RAC2: variants seen among roughly 807,000 people sequenced by gnomAD.
RAC2 encodes ras-related C3 botulinum toxin substrate 2.
A neutral mutation model predicts 24.0 loss-of-function variants in RAC2; 1 was observed. The ratio of observed to expected loss-of-function variants is 0.04; its 90% confidence interval spans 0.01 to 0.20. The LOEUF (loss-of-function observed/expected upper bound fraction) is 0.20. Among genes scored for constraint, RAC2 ranks in the 10% least tolerant of loss-of-function variants. RAC2 has a pLI of 1.00. For synonymous variants in RAC2, 114 were observed against 106.8 expected (o/e 1.07, Z -0.41); for missense variants, 130 against 259.1 (o/e 0.50, Z 3.42).
intron 1 of RAC2, 35 bp from the exon 2 acceptor site, chr22:37,241,693 TG>T: frequency 6.3e-7 from 1 of 1,585,838 alleles, no homozygotes; most frequent in East Asian, 2.2e-5. Context: ...GCGGCGGTCA[TG>T]GGCTCTGCCG....
Position 37,231,804 on chromosome 22 carries a change from G to T in RAC2, c.288+128C>A. The T allele has an allele frequency of 9.1e-7, 1 of 1,097,134 alleles. No homozygotes were observed. Among genetic ancestry groups the T allele is most frequent in the South Asian group, 1.4e-5 (1 of 73,726 alleles). 68.0% of individuals were successfully genotyped at this position (1,097,134 alleles called of 1,614,324 possible). On this transcript the variant is annotated intron_variant, in intron 4 of 6. Transcript: ENST00000249071. The surrounding 1 kb of genome is among the most constrained non-coding windows in gnomAD (Gnocchi z 5.5). ...TCAAGTCCCTCTGCCAGCCCTGGTT[G>T]GCACTGGGGACCCTCTCTGTATGCG...
chr22:37,226,883 A>AACCCCTTCCACGCCATAC lies in RAC2; in HGVS notation c.449-98_449-81dup. On this transcript the variant is annotated intron_variant, in intron 5 of 6. Transcript: ENST00000249071. The stretch of plus-strand genomic sequence containing the variant: ...GGCCAACATGTCTCCTATGCCATAC[A>AACCCCTTCCACGCCATAC]ACCCCTTCCACGCCATACACCCCTC... 6 of 1,546,070 alleles carry AACCCCTTCCACGCCATAC rather than the reference A, an allele frequency of 3.9e-6. No homozygotes were observed. In the South Asian group the frequency reaches 5.6e-5, roughly 14 times the overall value.
rs147886654 is a variant in RAC2 at position 37,226,840 on chromosome 22, G to GT, written c.449-38dup. 9.9e-3 allele frequency: 15,515 copies of GT among 1,572,568 alleles called. 1,580 individuals carry two copies. The African/African-American group carries it at 0.2, about 20-fold the overall frequency. On this transcript the variant is annotated intron_variant, in intron 5 of 6. Coordinates refer to ENST00000249071, the MANE Select transcript of RAC2 (RefSeq NM_002872.5). Reference sequence around the variant, plus strand: ...GATGGACAGGAGAGCCAAGGCCTAAGTGGCGGGGGGGGTTCTGGGCCAACA... The same window carrying GT: ...GATGGACAGGAGAGCCAAGGCCTAAGTTGGCGGGGGGGGTTCTGGGCCAACA...
intron 2 of RAC2, among the ~76,000 whole-genome samples, chr22:37,237,715 G>A (rs1053134682): frequency 3.3e-5 from 5 of 152,046 alleles, no homozygotes; most frequent in South Asian, 2.1e-4. Flanking sequence ...CTTCCTCCCC[G>A]GGGTCGGGGA....
At chr22:37,241,704 G>A (rs201965451) in intron 1 of RAC2, 46 bp from the exon 2 acceptor site, 316 of 1,542,444 alleles carry the variant, frequency 2.0e-4, no homozygotes, top group African/African-American at 1.8e-3. Context: ...GGGCTCTGCC[G>A]GAGACGTGGG....
intron 2 of RAC2, among the ~76,000 whole-genome samples, chr22:37,236,701 C>A (rs1255254584): frequency 6.6e-6 from 1 of 152,096 alleles, no homozygotes; most frequent in Non-Finnish European, 1.5e-5. Flanking sequence ...TGACCACCAC[C>A]GAAGCCCACC....
In RAC2 at chr22:37,226,711, G is replaced by A; in HGVS notation, c.541C>T (p.Pro181Ser). ...EAIRAVLCPQPTRQQKRACSL... is the reference protein window; with the variant it reads ...EAIRAVLCPQSTRQQKRACSL... ...CAGGCGCGCTTCTGCTGCCGCGTGGGCTGAGGGCACAGCACGGCCCGGATG... is the reference window on the plus strand; with the variant it reads ...CAGGCGCGCTTCTGCTGCCGCGTGGACTGAGGGCACAGCACGGCCCGGATG... The change falls in exon 6 of 7, where the codon CCC becomes TCC. Residue 181 changes from proline to serine, a missense_variant. Physicochemically the swap from Pro to Ser is moderately conservative, Grantham distance 74 (BLOSUM62 -1). Around this residue, in one of 2 missense-constraint regions of RAC2, gnomAD observed 119 missense variants for 192.1 expected, o/e 0.62. Coordinates refer to ENST00000249071, the MANE Select transcript of RAC2 (RefSeq NM_002872.5). 6.2e-7 allele frequency: 1 copy of A among 1,613,128 alleles called. No homozygotes were observed. Among genetic ancestry groups the A allele is most frequent in the Non-Finnish European group, 8.5e-7 (1 of 1,179,568 alleles).
At chr22:37,241,038 G>T in intron 2 of RAC2, 1 of 718,946 alleles carries the variant, frequency 1.4e-6, no homozygotes, top group South Asian at 1.5e-5. Flanking sequence ...ACCCCTGAGG[G>T]CTGGCCAGGG....
At chr22:37,232,123 T>C (rs1927085006) in intron 3 of RAC2, 129 bp from the exon 4 acceptor site, 2 of 941,174 alleles carry the variant, frequency 2.1e-6, no homozygotes, top group Non-Finnish European at 1.7e-6. Context: ...GGACTTAGGA[T>C]CTGGGCAGAG....
At chr22:37,233,558 C>T (rs1351781779) in intron 2 of RAC2, among the ~76,000 whole-genome samples, 1 of 152,262 alleles carries the variant, frequency 6.6e-6, no homozygotes, top group African/African-American at 2.4e-5. Context: ...GCTAGGATTA[C>T]AGGCGTGAGC....
At chr22:37,236,898 T>G (rs5995404) in intron 2 of RAC2, among the ~76,000 whole-genome samples, 62,508 of 151,898 alleles carry the variant, frequency 0.41, 13,278 homozygotes, top group African/African-American at 0.51. Context: ...TTTGCATTTA[T>G]AAAAGGTCCC....
chr22:37,240,963 GAA>G (rs1255062177), intron 2 of RAC2: 8 of 709,182 alleles, frequency 1.1e-5, no homozygotes, highest in Non-Finnish European at 1.8e-5. Flanking sequence ...GAGGTTGAGT[GAA>G]GGCCATCAGG....
chr22:37,241,449 C>G (rs1927388628), intron 2 of RAC2, 138 bp downstream of exon 2: 2 of 947,760 alleles, frequency 2.1e-6, no homozygotes, highest in African/African-American at 3.2e-5. Context: ...CTTGGCTGGA[C>G]TGTCAGGCAG....
At chr22:37,243,968 C>T in intron 1 of RAC2, 146 bp downstream of exon 1, 2 of 1,102,702 alleles carry the variant, frequency 1.8e-6, no homozygotes, top group South Asian at 1.3e-5. Context: ...TCCCTGTGGG[C>T]CCTCGGAGAA....
At chr22:37,236,768 C>A (rs568348731) in intron 2 of RAC2, among the ~76,000 whole-genome samples, 4 of 152,168 alleles carry the variant, frequency 2.6e-5, no homozygotes, top group South Asian at 2.1e-4. Flanking sequence ...GCACGCATGG[C>A]TAGTGACTTG....
At chr22:37,240,307 C>G (rs376481363) in intron 2 of RAC2, among the ~76,000 whole-genome samples, 9 of 152,214 alleles carry the variant, frequency 5.9e-5, no homozygotes, top group Admixed American at 2.6e-4. Flanking sequence ...GAAATGAGGG[C>G]CCCCGCGAGG....
In RAC2 at chr22:37,232,004, G is replaced by A; in HGVS notation, c.226-10C>T. The A allele has an allele frequency of 6.6e-7, 1 of 1,521,870 alleles. No homozygotes were observed. Among genetic ancestry groups the A allele is most frequent in the South Asian group, 1.2e-5 (1 of 83,240 alleles). 94.3% of individuals were successfully genotyped at this position (1,521,870 alleles called of 1,614,324 possible). ...AGATGAGGAAGACGTCCTGGGGACA[G>A]AGCAAGCGAGGTTGCTAGTGAGGAG... On this transcript the variant is annotated splice_polypyrimidine_tract_variant and intron_variant, in intron 3 of 6. Coordinates refer to ENST00000249071, the MANE Select transcript of RAC2 (RefSeq NM_002872.5).
intron 1 of RAC2, 57 bp from the exon 2 acceptor site, chr22:37,241,715 G>GACC: frequency 6.6e-7 from 1 of 1,513,120 alleles, no homozygotes. Flanking sequence ...GAGACGTGGG[G>GACC]AGGTTTCTGC....
At chr22:37,233,474 G>A (rs74850957) in intron 2 of RAC2, among the ~76,000 whole-genome samples, 1 of 152,122 alleles carries the variant, frequency 6.6e-6, no homozygotes, top group African/African-American at 2.4e-5. Context: ...GTAGAAACAG[G>A]GTTTCACCAT....
Sources: allele counts gnomAD v4.1 joint callset (sites outside exome capture counted in the v4.1 genomes callset), GRCh38; gene constraint gnomAD v4.1.1; regional missense constraint gnomAD v4.1.1; non-coding constraint Gnocchi (gnomAD v3.1); transcripts MANE v1.5; gene names NCBI Gene and HGNC (gene_info 2026-07-23, HGNC 2026-07-21).